Variants in NCOA6 observed in about 807,000 individuals in gnomAD.
NCOA6 encodes NRC RAP250.
In NCOA6, 49 loss-of-function variants were observed where a neutral mutation model predicts 171.4. The observed-to-expected ratio is 0.29, with a 90% CI of 0.23 to 0.36. The LOEUF is 0.36. Among genes scored for constraint, NCOA6 ranks in the 10% least tolerant of loss-of-function variants. The pLI, the probability that NCOA6 is intolerant of heterozygous loss-of-function variation, is 1.00. For missense variants in NCOA6, 2,248 were observed against 2,554.5 expected, an observed-to-expected ratio of 0.88 and a Z score of 2.59; for synonymous variants, 910 against 927.5, an observed-to-expected ratio of 0.98 and a Z score of 0.34.
intron 14 of NCOA6, among the ~76,000 whole-genome samples, chr20:34,722,054 C>CAAAAAAAAAAAAAAAAAA: frequency 1.6e-5 from 1 of 63,388 alleles, no homozygotes; most frequent in Non-Finnish European, 2.8e-5. Flanking sequence ...GACCCTGTCT[C>CAAAAAAAAAAAAAAAAAA]AAAAAAAAAA....
intron 1 of NCOA6, among the ~76,000 whole-genome samples, chr20:34,816,407 A>G (rs1371240864): frequency 6.6e-6 from 1 of 152,102 alleles, no homozygotes; most frequent in African/African-American, 2.4e-5. Flanking sequence ...TGACCTTATA[A>G]GGGAAATTTG....
chr20:34,766,072 T>C (rs1016528212), intron 5 of NCOA6, among the ~76,000 whole-genome samples: 1 of 152,314 alleles, frequency 6.6e-6, no homozygotes, highest in Non-Finnish European at 1.5e-5. Context: ...TAACCTAATA[T>C]TAAACTTTGT....
rs8119393 is a variant in NCOA6 at position 34,734,634 on chromosome 20, T to C, written c.5963-2039A>G. Among the ~76,000 whole-genome samples, 1,412 of 151,790 alleles carry C rather than the reference T, an allele frequency of 9.3e-3. 29 individuals are homozygous for C. The highest frequency in any genetic ancestry group is 0.032 in the African/African-American group (1,336 of 41,424). ...GTGCTGGGGTTAGAGGCATGAACCA[T>C]TACACCCGGCCTAGTTTGCTCTTCT... On this transcript the variant is annotated intron_variant, in intron 12 of 14. Transcript: ENST00000359003.
chr20:34,734,261 G>A (rs982907658), intron 12 of NCOA6, among the ~76,000 whole-genome samples: 7 of 152,002 alleles, frequency 4.6e-5, no homozygotes, highest in African/African-American at 1.4e-4. Context: ...ACAGGGTTTC[G>A]CCATGTTGGC....
At chr20:34,740,306 T>A in intron 11 of NCOA6, 57 bp downstream of exon 11, 1 of 1,545,048 alleles carries the variant, frequency 6.5e-7, no homozygotes. Context: ...CTTTCTCTTG[T>A]GGGATTAGGT....
At chr20:34,762,346 G>A (rs1280040723) in intron 5 of NCOA6, among the ~76,000 whole-genome samples, 2 of 152,100 alleles carry the variant, frequency 1.3e-5, no homozygotes, top group African/African-American at 4.8e-5. Flanking sequence ...TCCTGTAACA[G>A]CACATAGGTA....
chr20:34,808,329 C>T (rs2078531844), intron 1 of NCOA6, among the ~76,000 whole-genome samples: 1 of 151,610 alleles, frequency 6.6e-6, no homozygotes, highest in African/African-American at 2.4e-5. Context: ...AATATTTTTC[C>T]CTCTATTTAT....
rs1265758842 is a variant in NCOA6 at position 34,758,935 on chromosome 20, T to C, written c.515-2A>G. The C allele has an allele frequency of 6.2e-7, 1 of 1,612,612 alleles. No individual in the cohort carries two copies. The highest frequency in any genetic ancestry group is 8.5e-7 in the Non-Finnish European group (1 of 1,179,582). ...CAGGGTTGTTCATCCTTATTATTCC[T>C]AGAAAAAAGATCCCTAAAATAGAGT... On this transcript the variant is annotated splice_acceptor_variant, in intron 5 of 14. Transcript: ENST00000359003. LOFTEE classifies it high-confidence loss of function.
intron 1 of NCOA6, among the ~76,000 whole-genome samples, chr20:34,797,662 T>G (rs2078120217): frequency 6.6e-6 from 1 of 151,754 alleles, no homozygotes; most frequent in South Asian, 2.1e-4. Context: ...CCGAGGTGGG[T>G]AGATCACCTA....
intron 1 of NCOA6, among the ~76,000 whole-genome samples, chr20:34,824,300 C>G (rs1361920895): frequency 6.6e-6 from 1 of 152,160 alleles, no homozygotes; most frequent in Admixed American, 6.5e-5. Flanking sequence ...AGGAAGCAGC[C>G]GACAATTTCT....
At chr20:34,737,122 G>T (rs1362511856) in intron 11 of NCOA6, among the ~76,000 whole-genome samples, 1 of 151,954 alleles carries the variant, frequency 6.6e-6, no homozygotes, top group Non-Finnish European at 1.5e-5. Context: ...AACCATAGAG[G>T]TACAATTATA....
At chr20:34,807,709 T>C (rs1219499054) in intron 1 of NCOA6, among the ~76,000 whole-genome samples, 1 of 152,006 alleles carries the variant, frequency 6.6e-6, no homozygotes, top group Non-Finnish European at 1.5e-5. Flanking sequence ...GTATTTTTAA[T>C]AGAGACGGGG....
intron 13 of NCOA6, among the ~76,000 whole-genome samples, chr20:34,727,730 T>TC (rs1211077981): frequency 6.6e-6 from 1 of 151,484 alleles, no homozygotes; most frequent in Non-Finnish European, 1.5e-5. Flanking sequence ...TCTTTTCTTT[T>TC]TTTTTTTTTT....
intron 7 of NCOA6, 129 bp downstream of exon 7, chr20:34,757,091 A>C: frequency 3.1e-6 from 3 of 971,588 alleles, no homozygotes; most frequent in Non-Finnish European, 4.4e-6. Context: ...ATCAAGTGTC[A>C]CCACCATATC....
intron 1 of NCOA6, among the ~76,000 whole-genome samples, chr20:34,807,315 A>G (rs1159351968): frequency 1.3e-5 from 2 of 152,136 alleles, no homozygotes; most frequent in Admixed American, 1.3e-4. Flanking sequence ...AAGATGAGAC[A>G]CCAGCCCTGG....
intron 2 of NCOA6, 82 bp from the exon 3 acceptor site, chr20:34,782,486 A>T: frequency 2.8e-6 from 1 of 358,920 alleles, no homozygotes. Flanking sequence ...TATGAAAATT[A>T]TAATTTATTT....
At chr20:34,819,912 G>C (rs2425005) in intron 1 of NCOA6, 103,077 of 151,954 alleles carry the variant, frequency 0.68, 36,940 homozygotes, top group African/African-American at 0.92. Context: ...ATAAGGACCT[G>C]AGACAGACTC....
At chr20:34,776,149 G>A (rs1166055087) in intron 4 of NCOA6, 144 bp downstream of exon 4, 4 of 1,089,466 alleles carry the variant, frequency 3.7e-6, no homozygotes, top group South Asian at 1.6e-5. Context: ...CTAAGGTGCT[G>A]CAAAGCAAAG....
Position 34,740,681 on chromosome 20 carries a change from T to C in NCOA6, c.5575A>G (p.Thr1859Ala), listed in dbSNP as rs754093976. ...GTTCCCATGAGCCCCGGAGCTGTGG[T>C]GTCTAGCCCTTGGCCTTCAGTCTCT... is the stretch of plus-strand genomic sequence containing the variant. ...DGETEGQGLD[T>A]TAPGLMGTEQ... The change falls in exon 11 of 15, where the codon ACC (threonine) becomes GCC (alanine). Residue 1859 changes from threonine (T) to alanine (A), a missense_variant. Coordinates refer to ENST00000359003, the MANE Select transcript of NCOA6 (RefSeq NM_014071.5). The C allele has an allele frequency of 3.1e-6, 5 of 1,614,104 alleles. No individual in the cohort carries two copies. The highest frequency in any genetic ancestry group is 4.2e-6 in the Non-Finnish European group (5 of 1,180,046).
Sources: gnomAD v4.1 joint callset for allele counts (sites outside exome capture counted in the v4.1 genomes callset) on GRCh38, gnomAD v4.1.1 for gene constraint, MANE v1.5 for transcripts, NCBI Gene and HGNC (gene_info 2026-07-23, HGNC 2026-07-21) for gene names.